The following SLC15A1 variants were observed in gnomAD, a reference collection of about 807,000 sequenced individuals.
SLC15A1 encodes solute carrier family 15 member 1.
In SLC15A1, 83 loss-of-function variants were observed where a neutral mutation model predicts 92.9. The observed-to-expected ratio is 0.89, with a 90% CI of 0.75 to 1.07. The LOEUF is 1.07. Ranked by LOEUF, SLC15A1 falls within the 50% of genes least tolerant of loss-of-function variation. The pLI is 0.00. For synonymous variants in SLC15A1, 322 were observed against 318.2 expected (o/e 1.01, Z -0.13); for missense variants, 857 against 880.1 (o/e 0.97, Z 0.33).
intron 1 of SLC15A1, among the ~76,000 whole-genome samples, chr13:98,746,242 A>G (rs2088492081): frequency 6.6e-6 from 1 of 152,122 alleles, no homozygotes; most frequent in Admixed American, 6.6e-5. Context: ...TCCGTGGTGT[A>G]TATGTACCAC....
intron 1 of SLC15A1, among the ~76,000 whole-genome samples, chr13:98,733,144 G>A (rs1044179233): frequency 1.4e-4 from 21 of 152,168 alleles, no homozygotes; most frequent in South Asian, 4.2e-4. Flanking sequence ...TTCTCCCCGA[G>A]AGCCTTTCAA....
At chr13:98,721,078 C>T (rs1170506124) in intron 7 of SLC15A1, 1 of 467,668 alleles carries the variant, frequency 2.1e-6, no homozygotes, top group Non-Finnish European at 4.4e-6. Flanking sequence ...AACAAAAAAT[C>T]AATACAATTT....
At chr13:98,750,205 C>T (rs1314025891) in intron 1 of SLC15A1, among the ~76,000 whole-genome samples, 4 of 151,990 alleles carry the variant, frequency 2.6e-5, no homozygotes, top group African/African-American at 9.7e-5. Flanking sequence ...CTCTGCCTCC[C>T]GGGTTCAAGT....
chr13:98,732,313 G>C (rs1389885364), intron 1 of SLC15A1, among the ~76,000 whole-genome samples: 1 of 152,172 alleles, frequency 6.6e-6, no homozygotes, highest in African/African-American at 2.4e-5. Context: ...CCATAGGACT[G>C]TTCCTTAGCA....
rs1419730667 is a variant in SLC15A1, at chr13:98,726,089, C to A, written c.245+34G>T. ...TACAAAACCTACATTTACTTTTTCG[C>A]TTGTTTGTGAACAAGAAATTTCCAG... On this transcript the variant is annotated intron_variant, in intron 4 of 22. Coordinates refer to ENST00000376503, the MANE Select transcript of SLC15A1 (RefSeq NM_005073.4). 3.7e-6 allele frequency: 6 copies of A among 1,607,630 alleles called. No individual in the cohort carries two copies. In the East Asian group the frequency reaches 1.1e-4, roughly 30 times the overall value.
chr13:98,685,521 A>G (rs2087922477), intron 22 of SLC15A1, among the ~76,000 whole-genome samples: 1 of 152,234 alleles, frequency 6.6e-6, no homozygotes, highest in Non-Finnish European at 1.5e-5. Context: ...CTTTAACTTC[A>G]GGTGTTATGA....
rs193015514 is a variant in SLC15A1 at position 98,688,154 on chromosome 13, T to C, written c.1683+94A>G. The C allele has an allele frequency of 8.8e-4, 713 of 811,816 alleles. 1 individual carries two copies. Among genetic ancestry groups the C allele is most frequent in the South Asian group, 1.6e-3 (90 of 56,132 alleles). The allele number at this position is 811,816 out of a possible 1,614,324, so 50.3% of individuals were successfully genotyped here. ...TTTAAAATACAGATCCTAATATCACTCTAGTTAAATCATATTATGTCCTAA... is the reference window on the plus strand; with the variant it reads ...TTTAAAATACAGATCCTAATATCACCCTAGTTAAATCATATTATGTCCTAA... On this transcript the variant is annotated intron_variant, in intron 20 of 22. Transcript: ENST00000376503.
intron 1 of SLC15A1, among the ~76,000 whole-genome samples, chr13:98,737,446 A>C (rs2139605948): frequency 6.6e-6 from 1 of 152,342 alleles, no homozygotes; most frequent in Non-Finnish European, 1.5e-5. Context: ...TACATATGTA[A>C]CAAACCTGCA....
intron 18 of SLC15A1, 41 bp from the exon 19 acceptor site, chr13:98,688,618 A>G (rs1490855378): frequency 1.4e-6 from 2 of 1,443,624 alleles, no homozygotes; most frequent in African/African-American, 1.4e-5. Flanking sequence ...GAACTAGAGA[A>G]TAATATATTC....
chr13:98,690,678 T>C (rs1333632018), intron 18 of SLC15A1, among the ~76,000 whole-genome samples: 1 of 152,110 alleles, frequency 6.6e-6, no homozygotes, highest in Non-Finnish European at 1.5e-5. Context: ...GGCGATTCAG[T>C]GGTGATGGGA....
At chr13:98,728,790 G>A (rs2088322413) in intron 1 of SLC15A1, among the ~76,000 whole-genome samples, 1 of 151,792 alleles carries the variant, frequency 6.6e-6, no homozygotes, top group Admixed American at 6.6e-5. Flanking sequence ...AGACCAGCCT[G>A]GCCAACATGG....
chr13:98,741,686 C>G (rs776381404), intron 1 of SLC15A1, among the ~76,000 whole-genome samples: 1 of 147,558 alleles, frequency 6.8e-6, no homozygotes, highest in Non-Finnish European at 1.5e-5. Context: ...ATCATACTAC[C>G]GCACTCCAGC....
chr13:98,699,563 G>A (rs1325727447), intron 18 of SLC15A1, among the ~76,000 whole-genome samples: 2 of 152,200 alleles, frequency 1.3e-5, no homozygotes, highest in Non-Finnish European at 2.9e-5. Flanking sequence ...ATTATAACCA[G>A]AGCTTCTATA....
At chr13:98,734,282 A>T (rs1298268518) in intron 1 of SLC15A1, among the ~76,000 whole-genome samples, 1 of 152,164 alleles carries the variant, frequency 6.6e-6, no homozygotes, top group Admixed American at 6.6e-5. Flanking sequence ...TGGTTATTTG[A>T]AAGTATGTAT....
chr13:98,706,358 C>G (rs2088112905), intron 15 of SLC15A1, 105 bp from the exon 16 acceptor site: 1 of 1,290,882 alleles, frequency 7.7e-7, no homozygotes, highest in Non-Finnish European at 1.1e-6. Context: ...AAAAGCTGCG[C>G]TGGCTGAAAC....
chr13:98,714,463 C>G (rs1407351631), intron 9 of SLC15A1, among the ~76,000 whole-genome samples: 1 of 151,884 alleles, frequency 6.6e-6, no homozygotes, highest in Admixed American at 6.6e-5. Flanking sequence ...TTGAGACCAG[C>G]CTGGCCAACA....
chr13:98,712,295 A>C (rs1474529837), intron 10 of SLC15A1, among the ~76,000 whole-genome samples: 1 of 152,208 alleles, frequency 6.6e-6, no homozygotes, highest in Non-Finnish European at 1.5e-5. Context: ...AAAAACTATG[A>C]AAAGGTAATA....
intron 18 of SLC15A1, among the ~76,000 whole-genome samples, chr13:98,701,836 A>T (rs2088070529): frequency 6.6e-6 from 1 of 151,282 alleles, no homozygotes; most frequent in African/African-American, 2.4e-5. Flanking sequence ...ACATCTGGCT[A>T]TTTTTTTTAA....
At chr13:98,703,023 C>T (rs1353802094) in intron 17 of SLC15A1, among the ~76,000 whole-genome samples, 7 of 148,032 alleles carry the variant, frequency 4.7e-5, no homozygotes, top group Non-Finnish European at 8.9e-5. Context: ...CTGGGCCAGG[C>T]ATGGTGGTTC....
Sources: gnomAD v4.1 joint callset for allele counts (sites outside exome capture counted in the v4.1 genomes callset) on GRCh38, gnomAD v4.1.1 for gene constraint, MANE v1.5 for transcripts, NCBI Gene and HGNC (gene_info 2026-07-23, HGNC 2026-07-21) for gene names.